DTNBP1: variants seen among roughly 807,000 people sequenced by gnomAD.
The protein encoded by DTNBP1 is dystrobrevin binding protein 1, also known as dysbindin.
In DTNBP1, 35 loss-of-function variants were observed where a neutral mutation model predicts 42.8. The ratio of observed to expected loss-of-function variants is 0.82; its 90% CI spans 0.63 to 1.09. DTNBP1 has a LOEUF of 1.09. Among genes scored for constraint, DTNBP1 ranks in the 50% least tolerant of loss-of-function variants. The probability of loss-of-function intolerance (pLI) is 0.00; values close to 1 mark genes in which losing one functional copy is unlikely to be tolerated. For synonymous variants in DTNBP1, 171 were observed against 162.2 expected, an observed-to-expected ratio of 1.05 and a Z score of -0.41; for missense variants, 457 against 424.2, an observed-to-expected ratio of 1.08 and a Z score of -0.68.
At chr6:15,559,129 G>A (rs1380848023) in intron 7 of DTNBP1, among the ~76,000 whole-genome samples, 3 of 152,212 alleles carry the variant, frequency 2.0e-5, no homozygotes, top group African/African-American at 7.2e-5. Context: ...CAGTGCAATG[G>A]TGGTTCAAGA....
intron 6 of DTNBP1, among the ~76,000 whole-genome samples, chr6:15,602,374 T>C (rs1776764717): frequency 6.6e-6 from 1 of 152,188 alleles, no homozygotes; most frequent in Non-Finnish European, 1.5e-5. Flanking sequence ...AGAGCAGGTA[T>C]GGCAGGCTGC....
intron 7 of DTNBP1, among the ~76,000 whole-genome samples, chr6:15,591,250 C>T (rs1776287465): frequency 6.6e-6 from 1 of 151,918 alleles, no homozygotes; most frequent in South Asian, 2.1e-4. Context: ...GCTGGGGGTA[C>T]CACCACGCCT....
intron 7 of DTNBP1, among the ~76,000 whole-genome samples, chr6:15,555,583 G>A (rs1208170593): frequency 6.6e-6 from 1 of 152,172 alleles, no homozygotes; most frequent in African/African-American, 2.4e-5. Flanking sequence ...CAATGCATTA[G>A]CATGCTAAAA....
chr6:15,564,942 C>T (rs1039491940), intron 7 of DTNBP1, among the ~76,000 whole-genome samples: 2 of 152,042 alleles, frequency 1.3e-5, no homozygotes, highest in Non-Finnish European at 2.9e-5. Flanking sequence ...TAGTGAGACA[C>T]CCAAGTAAAC....
At chr6:15,629,326 C>G (rs1329719915) in intron 4 of DTNBP1, among the ~76,000 whole-genome samples, 2 of 151,738 alleles carry the variant, frequency 1.3e-5, no homozygotes, top group Admixed American at 1.3e-4. Context: ...AAAAAAATTC[C>G]TATATTATGG....
At chr6:15,603,115 G>A (rs1021025663) in intron 6 of DTNBP1, among the ~76,000 whole-genome samples, 2 of 152,154 alleles carry the variant, frequency 1.3e-5, no homozygotes, top group Non-Finnish European at 2.9e-5. Context: ...ACACTTTAGA[G>A]CAAAAATTTT....
At chr6:15,642,410 C>T (rs1379308433) in intron 3 of DTNBP1, among the ~76,000 whole-genome samples, 3 of 152,206 alleles carry the variant, frequency 2.0e-5, no homozygotes, top group Non-Finnish European at 4.4e-5. Context: ...CAGCACACCC[C>T]ACAGGATCTC....
chr6:15,596,291 G>A (rs1298271994), intron 6 of DTNBP1, among the ~76,000 whole-genome samples: 1 of 152,120 alleles, frequency 6.6e-6, no homozygotes, highest in Non-Finnish European at 1.5e-5. Flanking sequence ...GCTGAAACAG[G>A]AAGACTGAAA....
intron 7 of DTNBP1, among the ~76,000 whole-genome samples, chr6:15,571,145 G>A (rs1775322395): frequency 6.6e-6 from 1 of 152,196 alleles, no homozygotes; most frequent in Non-Finnish European, 1.5e-5. Context: ...AAGGGCACAG[G>A]CAGAGGTCCA....
chr6:15,613,318 A>G (rs1488746287), intron 6 of DTNBP1, among the ~76,000 whole-genome samples: 2 of 138,422 alleles, frequency 1.4e-5, no homozygotes. Context: ...AAAAAAAAAA[A>G]AAAAAAAAAA....
intron 7 of DTNBP1, among the ~76,000 whole-genome samples, chr6:15,551,452 G>T (rs552142987): frequency 6.6e-6 from 1 of 152,154 alleles, no homozygotes; most frequent in South Asian, 2.1e-4. Context: ...TTCCAGCTGC[G>T]GAAGAAGGAC....
intron 3 of DTNBP1, among the ~76,000 whole-genome samples, chr6:15,645,014 A>G: frequency 6.6e-6 from 1 of 152,074 alleles, no homozygotes; most frequent in East Asian, 1.9e-4. Flanking sequence ...AAAGATAAAC[A>G]AGATTGACAG....
intron 1 of DTNBP1, among the ~76,000 whole-genome samples, chr6:15,662,585 C>A (rs1186185272): frequency 6.6e-6 from 1 of 152,170 alleles, no homozygotes; most frequent in Non-Finnish European, 1.5e-5. Context: ...GAGCGCCTCC[C>A]GGTCCTGGGG....
chr6:15,542,076 T>C (rs573172482), intron 7 of DTNBP1, among the ~76,000 whole-genome samples: 38 of 152,294 alleles, frequency 2.5e-4, no homozygotes, highest in Middle Eastern at 3.4e-3. Context: ...TAGAGATAAA[T>C]AAGACTAAGA....
chr6:15,658,502 C>T (rs1761409811), intron 1 of DTNBP1, among the ~76,000 whole-genome samples: 1 of 152,028 alleles, frequency 6.6e-6, no homozygotes, highest in African/African-American at 2.4e-5. Context: ...GGGGAAACAC[C>T]CTCTAGCTGC....
At chr6:15,617,409 C>T (rs1199468554) in intron 5 of DTNBP1, among the ~76,000 whole-genome samples, 2 of 151,650 alleles carry the variant, frequency 1.3e-5, no homozygotes, top group Non-Finnish European at 2.9e-5. Context: ...CCCTGAATAG[C>T]CAGAGCAATC....
At chr6:15,568,989 T>A (rs1775218768) in intron 7 of DTNBP1, among the ~76,000 whole-genome samples, 1 of 152,158 alleles carries the variant, frequency 6.6e-6, no homozygotes, top group South Asian at 2.1e-4. Context: ...CAACTGTACT[T>A]TTTTCCCCTT....
intron 7 of DTNBP1, among the ~76,000 whole-genome samples, chr6:15,535,743 G>A (rs939814165): frequency 6.6e-6 from 1 of 152,318 alleles, no homozygotes; most frequent in East Asian, 1.9e-4. Flanking sequence ...TACGGGTAGA[G>A]GTTGGAACAG....
At chr6:15,581,050 C>G (rs138091755) in intron 7 of DTNBP1, among the ~76,000 whole-genome samples, 100 of 152,248 alleles carry the variant, frequency 6.6e-4, no homozygotes, top group African/African-American at 2.2e-3. Flanking sequence ...CAACACACCA[C>G]GTAAACACCT....
Sources: allele counts gnomAD v4.1 joint callset (sites outside exome capture counted in the v4.1 genomes callset), GRCh38; gene constraint gnomAD v4.1.1; transcripts MANE v1.5; gene names NCBI Gene and HGNC (gene_info 2026-07-23, HGNC 2026-07-21).